The following MEIS2 variants were observed in gnomAD, a reference collection of about 807,000 sequenced individuals.
MEIS2 encodes homeobox protein Meis2.
MEIS2 carries 9 observed loss-of-function variants against 58.6 expected under a neutral mutation model. That is an observed-to-expected ratio of 0.15 (90% CI 0.09 to 0.27). The LOEUF (loss-of-function observed/expected upper bound fraction) is 0.27. Among genes scored for constraint, MEIS2 ranks in the 10% least tolerant of loss-of-function variants. MEIS2 has a pLI of 1.00. For synonymous variants in MEIS2, 221 were observed against 228.4 expected (o/e 0.97, Z 0.29); for missense variants, 427 against 635.0 (o/e 0.67, Z 3.52).
intron 8 of MEIS2, among the ~76,000 whole-genome samples, chr15:37,002,662 A>C (rs2060774787): frequency 1.3e-5 from 2 of 151,942 alleles, no homozygotes; most frequent in South Asian, 4.2e-4. Context: ...TTAATAATTC[A>C]TCTGTATTTT....
chr15:37,025,027 T>C (rs1469623200), intron 8 of MEIS2, among the ~76,000 whole-genome samples: 1 of 152,210 alleles, frequency 6.6e-6, no homozygotes, highest in African/African-American at 2.4e-5. Context: ...ATATGAATGG[T>C]CTGTCAGGTC....
intron 8 of MEIS2, among the ~76,000 whole-genome samples, chr15:36,976,557 T>A (rs2059767594): frequency 6.6e-6 from 1 of 150,938 alleles, no homozygotes. Context: ...AGTTCTTAAA[T>A]ACTATGACAC....
intron 9 of MEIS2, among the ~76,000 whole-genome samples, chr15:36,929,841 T>A (rs1219289118): frequency 5.9e-5 from 9 of 152,136 alleles, no homozygotes; most frequent in African/African-American, 2.2e-4. Flanking sequence ...CATACAGAGA[T>A]TGATGACAGA....
In MEIS2 at chr15:37,095,417, G is replaced by C. The variant is rs534630122; in HGVS notation, c.438+147C>G. The C allele has an allele frequency of 6.8e-5, 83 of 1,225,022 alleles. No homozygotes were observed. The East Asian group carries it at 2.0e-3, about 30-fold the overall frequency. The allele number at this position is 1,225,022 out of a possible 1,614,324, so 75.9% of individuals were successfully genotyped here. A position where few individuals can be genotyped will look rare whatever the true frequency, so the allele number is the denominator to read the frequency against. On this transcript the variant is annotated intron_variant, in intron 4 of 11. Coordinates refer to ENST00000561208, the MANE Select transcript of MEIS2 (RefSeq NM_170675.5). ...CTCGCTCGCCAGCTCCCGTGCGGGG[G>C]CTCTAAGCTGCTCCCTTCCTCCCTC...
chr15:37,014,078 GCAGAACAC>G (rs2061259828), intron 8 of MEIS2, among the ~76,000 whole-genome samples: 1 of 152,184 alleles, frequency 6.6e-6, no homozygotes, highest in Non-Finnish European at 1.5e-5. Context: ...GTTAACAATA[GCAGAACAC>G]CAGGAAGCCT....
chr15:36,975,358 C>T (rs1275971613), intron 8 of MEIS2, among the ~76,000 whole-genome samples: 2 of 152,072 alleles, frequency 1.3e-5, no homozygotes, highest in Non-Finnish European at 2.9e-5. Flanking sequence ...ACTGCCTTTT[C>T]CCCTTTTTGT....
intron 8 of MEIS2, among the ~76,000 whole-genome samples, chr15:37,007,056 A>C (rs1033766241): frequency 1.3e-5 from 2 of 152,246 alleles, no homozygotes; most frequent in African/African-American, 4.8e-5. Flanking sequence ...AACATGTGAA[A>C]TGAGAATAAT....
Position 37,099,517 on chromosome 15 carries a change from G to C in MEIS2, c.-51C>G. ...GATGTGTCGTATATTTAATATCCCA[G>C]TCCGGATAAGAAAGTGATCTAGGCT... On this transcript the variant is annotated 5_prime_UTR_variant, in exon 1 of 12. Coordinates refer to ENST00000561208, the MANE Select transcript of MEIS2 (RefSeq NM_170675.5). The C allele has an allele frequency of 1.2e-6, 2 of 1,611,646 alleles. No individual in the cohort carries two copies. The highest frequency in any genetic ancestry group is 1.7e-6 in the Non-Finnish European group (2 of 1,179,164).
intron 8 of MEIS2, among the ~76,000 whole-genome samples, chr15:36,999,219 A>AT (rs1306938326): frequency 6.6e-6 from 1 of 152,156 alleles, no homozygotes; most frequent in African/African-American, 2.4e-5. Flanking sequence ...TTGTTGGCTC[A>AT]TTTATTTAAT....
At chr15:37,000,104 G>C (rs1006794190) in intron 8 of MEIS2, among the ~76,000 whole-genome samples, 1 of 152,184 alleles carries the variant, frequency 6.6e-6, no homozygotes, top group East Asian at 1.9e-4. Flanking sequence ...CAAATCTGGC[G>C]TGATAGCTAA....
At chr15:36,966,801 G>C (rs1395649383) in intron 8 of MEIS2, among the ~76,000 whole-genome samples, 3 of 152,094 alleles carry the variant, frequency 2.0e-5, no homozygotes, top group African/African-American at 7.2e-5. Context: ...AAATAACTGG[G>C]GATGCTGCTC....
intron 8 of MEIS2, among the ~76,000 whole-genome samples, chr15:36,965,106 C>G (rs1350006442): frequency 6.6e-6 from 1 of 152,168 alleles, no homozygotes; most frequent in Non-Finnish European, 1.5e-5. Flanking sequence ...GCTTCGAGTT[C>G]TCAATTTCTT....
At chr15:37,099,269 C>T (rs1894800687) in intron 1 of MEIS2, 186 bp downstream of exon 1, 2 of 1,462,260 alleles carry the variant, frequency 1.4e-6, no homozygotes, top group Admixed American at 2.5e-5. Flanking sequence ...CGCACACACA[C>T]TCGCACACAC....
intron 7 of MEIS2, among the ~76,000 whole-genome samples, chr15:37,061,454 T>C (rs146976063): frequency 4.6e-5 from 7 of 152,348 alleles, no homozygotes; most frequent in Middle Eastern, 3.4e-3. Flanking sequence ...CACTCGTATT[T>C]ATAAAATATC....
chr15:36,964,761 T>C (rs921957861), intron 8 of MEIS2, among the ~76,000 whole-genome samples: 1 of 152,140 alleles, frequency 6.6e-6, no homozygotes, highest in African/African-American at 2.4e-5. Flanking sequence ...TAGATACATT[T>C]TGGAAACACT....
intron 8 of MEIS2, among the ~76,000 whole-genome samples, chr15:37,019,014 C>T (rs1287895654): frequency 6.6e-6 from 1 of 152,152 alleles, no homozygotes; most frequent in African/African-American, 2.4e-5. Context: ...GGACTAGTCC[C>T]AGACCACCCG....
chr15:37,093,130 C>G (rs1428057007), intron 6 of MEIS2, among the ~76,000 whole-genome samples: 1 of 152,178 alleles, frequency 6.6e-6, no homozygotes, highest in Admixed American at 6.5e-5. Context: ...GAATTGTCAT[C>G]TCTGTGACAT....
chr15:36,996,776 T>C (rs1269065826), intron 8 of MEIS2, among the ~76,000 whole-genome samples: 1 of 152,214 alleles, frequency 6.6e-6, no homozygotes. Context: ...ACCAGCCTTA[T>C]GATTAAAGGC....
At chr15:36,966,778 A>G (rs890839540) in intron 8 of MEIS2, among the ~76,000 whole-genome samples, 1 of 152,186 alleles carries the variant, frequency 6.6e-6, no homozygotes, top group African/African-American at 2.4e-5. Flanking sequence ...ACAAGGCACT[A>G]TACAGAGATA....
Sources: allele counts gnomAD v4.1 joint callset (sites outside exome capture counted in the v4.1 genomes callset), GRCh38; gene constraint gnomAD v4.1.1; transcripts MANE v1.5; gene names NCBI Gene and HGNC (gene_info 2026-07-23, HGNC 2026-07-21).